Variants in PPP1R7 observed in about 807,000 individuals in gnomAD.
PPP1R7 encodes the protein protein phosphatase 1 regulatory subunit 7.
PPP1R7 carries 18 observed loss-of-function variants against 45.2 expected under a neutral mutation model. The ratio of observed to expected loss-of-function variants is 0.40; its 90% CI spans 0.28 to 0.59. The LOEUF is 0.59. PPP1R7 is among the 20% of genes least tolerant of loss of function. The pLI is 0.46. For synonymous variants in PPP1R7, 181 were observed against 183.4 expected, an observed-to-expected ratio of 0.99 and a Z score of 0.11; for missense variants, 314 against 455.8, an observed-to-expected ratio of 0.69 and a Z score of 2.83.
chr2:241,166,523 G>T, intron 8 of PPP1R7, 82 bp downstream of exon 8: 1 of 1,180,326 alleles, frequency 8.5e-7, no homozygotes, highest in Non-Finnish European at 1.2e-6. Flanking sequence ...GCACACACTG[G>T]CCTCTCGGGC....
chr2:241,171,153 C>A (rs1294914902), intron 9 of PPP1R7, among the ~76,000 whole-genome samples: 1 of 152,190 alleles, frequency 6.6e-6, no homozygotes, highest in Non-Finnish European at 1.5e-5. Flanking sequence ...TCTGCATGCC[C>A]TGCCTAGGAA....
chr2:241,157,657 G>C lies in PPP1R7; in HGVS notation c.182-150G>C. 7.4e-6 allele frequency: 5 copies of C among 679,716 alleles called. 1 individual carries two copies. The South Asian group carries it at 9.1e-5, about 12-fold the overall frequency. 42.1% of individuals were successfully genotyped at this position (679,716 alleles called of 1,614,324 possible). On this transcript the variant is annotated intron_variant, in intron 2 of 9. Coordinates refer to ENST00000234038, the MANE Select transcript of PPP1R7 (RefSeq NM_002712.3). ...GGGTCTAACCCTGCCACATTCTCCA[G>C]GTCCTCAGCAAACCTTCCCATTGGT...
chr2:241,182,911 C>T lies in PPP1R7; in HGVS notation c.*88C>T. On this transcript the variant is annotated 3_prime_UTR_variant, in exon 10 of 10. Transcript: ENST00000234038. Reference sequence around the variant, plus strand: ...ACCCACCTGTTGCTCCTGAGGTCGTCACTATATCAACAGTCACAAACCCAA... The same window carrying T: ...ACCCACCTGTTGCTCCTGAGGTCGTTACTATATCAACAGTCACAAACCCAA... 6.9e-7 allele frequency: 1 copy of T among 1,447,192 alleles called. No homozygotes were observed. Among genetic ancestry groups the T allele is most frequent in the East Asian group, 2.4e-5 (1 of 41,748 alleles). 89.6% of individuals were successfully genotyped at this position (1,447,192 alleles called of 1,614,324 possible).
rs189463061 is a variant in PPP1R7, at chr2:241,163,233, C to G, written c.598-52C>G. ...CCCGGTCCAGGCACCTGCTGGCTGC[C>G]TGGGGCAGCCTGTCAACTGCAGTAC... On this transcript the variant is annotated intron_variant, in intron 6 of 9. Transcript: ENST00000234038. 428 of 1,293,880 alleles carry G rather than the reference C, an allele frequency of 3.3e-4. 4 individuals carry two copies. The East Asian group carries it at 8.0e-3, about 24-fold the overall frequency. The allele number at this position is 1,293,880 out of a possible 1,614,324, so 80.1% of individuals were successfully genotyped here. A position where few individuals can be genotyped will look rare whatever the true frequency, so the allele number is the denominator to read the frequency against.
chr2:241,158,232 T>C (rs552617430), intron 3 of PPP1R7, among the ~76,000 whole-genome samples: 3 of 152,324 alleles, frequency 2.0e-5, no homozygotes, highest in East Asian at 3.9e-4. Context: ...TTATGTTTTG[T>C]GCATACAGGA....
intron 9 of PPP1R7, among the ~76,000 whole-genome samples, chr2:241,175,688 G>A (rs1453952785): frequency 6.6e-6 from 1 of 152,162 alleles, no homozygotes; most frequent in African/African-American, 2.4e-5. Context: ...TTGGCCTCCT[G>A]AGTTCAAGTG....
At chr2:241,176,753 G>A (rs988684033) in intron 9 of PPP1R7, among the ~76,000 whole-genome samples, 1 of 152,200 alleles carries the variant, frequency 6.6e-6, no homozygotes, top group African/African-American at 2.4e-5. Context: ...GAGCCACTGT[G>A]CCTGGCCATA....
intron 9 of PPP1R7, among the ~76,000 whole-genome samples, chr2:241,175,117 G>A (rs1461963560): frequency 2.0e-5 from 3 of 152,100 alleles, no homozygotes; most frequent in Admixed American, 2.0e-4. Flanking sequence ...ACCTCATAAG[G>A]GCAGGGAAAT....
At chr2:241,153,840 C>T (rs1285113379) in intron 2 of PPP1R7, among the ~76,000 whole-genome samples, 1 of 152,136 alleles carries the variant, frequency 6.6e-6, no homozygotes, top group Non-Finnish European at 1.5e-5. Context: ...CCACTGAAGG[C>T]AAATCCTAGC....
chr2:241,157,910 C>T (rs1299498315), intron 3 of PPP1R7, 48 bp downstream of exon 3: 2 of 1,558,474 alleles, frequency 1.3e-6, no homozygotes, highest in African/African-American at 1.4e-5. Flanking sequence ...ATGGACCACC[C>T]TGTCAGGTTA....
intron 8 of PPP1R7, chr2:241,167,186 T>G: frequency 9.5e-7 from 1 of 1,054,284 alleles, no homozygotes; most frequent in East Asian, 2.7e-5. Context: ...TTTACTTGTT[T>G]TTTTCTGTTT....
At chr2:241,155,798 G>A (rs58031243) in intron 2 of PPP1R7, among the ~76,000 whole-genome samples, 2,533 of 152,256 alleles carry the variant, frequency 0.017, 80 homozygotes, top group African/African-American at 0.057. Context: ...TGACCTGGGC[G>A]CCCTGCCTTA....
At chr2:241,151,813 C>T (rs1401146750) in intron 1 of PPP1R7, among the ~76,000 whole-genome samples, 1 of 152,200 alleles carries the variant, frequency 6.6e-6, no homozygotes, top group Admixed American at 6.5e-5. Flanking sequence ...CCGATACGTC[C>T]TCCATTCCCA....
At chr2:241,172,508 G>T (rs189730265) in intron 9 of PPP1R7, among the ~76,000 whole-genome samples, 1 of 152,192 alleles carries the variant, frequency 6.6e-6, no homozygotes, top group East Asian at 1.9e-4. Flanking sequence ...AGCTGGGCAT[G>T]GTGGCACATG....
At chr2:241,176,400 A>C (rs1415800606) in intron 9 of PPP1R7, among the ~76,000 whole-genome samples, 1 of 152,210 alleles carries the variant, frequency 6.6e-6, no homozygotes, top group Non-Finnish European at 1.5e-5. Flanking sequence ...ACAGAGCAAG[A>C]AGTAACAGTT....
chr2:241,163,020 A>G (rs1488540249), intron 6 of PPP1R7, among the ~76,000 whole-genome samples: 1 of 152,088 alleles, frequency 6.6e-6, no homozygotes, highest in Non-Finnish European at 1.5e-5. Flanking sequence ...GGGACTTGGG[A>G]ATCTACTGGT....
chr2:241,151,328 G>A, intron 1 of PPP1R7: 1 of 403,998 alleles, frequency 2.5e-6, no homozygotes, highest in Non-Finnish European at 5.2e-6. Flanking sequence ...TCCCAGAAGA[G>A]CAGTCACTGC....
chr2:241,172,919 A>G (rs2067843346), intron 9 of PPP1R7, among the ~76,000 whole-genome samples: 1 of 151,838 alleles, frequency 6.6e-6, no homozygotes, highest in South Asian at 2.1e-4. Context: ...TACATTAAAT[A>G]CTTTGTTCTT....
Position 241,156,920 on chromosome 2 carries a change from CGT to C in PPP1R7, c.182-882_182-881del, listed in dbSNP as rs553035808. Among the ~76,000 whole-genome samples the C allele has an allele frequency of 2.0e-3, 301 of 152,052 alleles. 2 individuals carry two copies. Among genetic ancestry groups the C allele is most frequent in the African/African-American group, 7.1e-3 (293 of 41,456 alleles). On this transcript the variant is annotated intron_variant, in intron 2 of 9. Transcript: ENST00000234038. ...TCTGTGTATACCACTGTTGTGCATG[CGT>C]GTGTCTGTGTAGTGTGCATACGTGC...
Sources: gnomAD v4.1 joint callset for allele counts (sites outside exome capture counted in the v4.1 genomes callset) on GRCh38, gnomAD v4.1.1 for gene constraint, MANE v1.5 for transcripts, NCBI Gene and HGNC (gene_info 2026-07-23, HGNC 2026-07-21) for gene names.